ATP5PO: variants seen among roughly 807,000 people sequenced by gnomAD.
ATP5PO encodes ATP synthase peripheral stalk subunit OSCP, mitochondrial.
ATP5PO carries 14 observed loss-of-function variants against 26.2 expected under a neutral mutation model. The ratio of observed to expected loss-of-function variants is 0.53; its 90% CI spans 0.35 to 0.83. ATP5PO has a LOEUF of 0.83. Ranked by LOEUF, ATP5PO falls within the 40% of genes least tolerant of loss-of-function variation. The pLI, the probability that ATP5PO is intolerant of heterozygous loss-of-function variation, is 0.01. For synonymous variants in ATP5PO, 106 were observed against 95.1 expected, an observed-to-expected ratio of 1.12 and a Z score of -0.67; for missense variants, 241 against 258.5, an observed-to-expected ratio of 0.93 and a Z score of 0.46.
intron 1 of ATP5PO, 145 bp downstream of exon 1, chr21:33,915,583 G>A: frequency 2.4e-6 from 3 of 1,263,436 alleles, no homozygotes; most frequent in African/African-American, 1.5e-5. Flanking sequence ...GGGTCGTCCT[G>A]AGTCGCTCCC....
intron 3 of ATP5PO, among the ~76,000 whole-genome samples, chr21:33,911,537 G>C (rs1282807962): frequency 6.6e-6 from 1 of 152,078 alleles, no homozygotes; most frequent in Non-Finnish European, 1.5e-5. Context: ...AGACATATCT[G>C]AGCCTCCTCT....
intron 4 of ATP5PO, 102 bp downstream of exon 4, chr21:33,908,980 G>A: frequency 7.5e-7 from 1 of 1,332,972 alleles, no homozygotes; most frequent in Non-Finnish European, 1.0e-6. Context: ...ATTCTTCACT[G>A]CCAACAGGCT....
intron 5 of ATP5PO, among the ~76,000 whole-genome samples, chr21:33,904,539 C>T (rs1193889421): frequency 6.6e-6 from 1 of 152,186 alleles, no homozygotes; most frequent in African/African-American, 2.4e-5. Context: ...GGAGCTCTGG[C>T]AGGCCACTCC....
chr21:33,914,562 T>G, intron 1 of ATP5PO, 62 bp from the exon 2 acceptor site: 1 of 1,497,966 alleles, frequency 6.7e-7, no homozygotes, highest in African/African-American at 1.4e-5. Flanking sequence ...TGCATTTAAC[T>G]CAATAACAAC....
At chr21:33,913,837 T>C (rs1383402304) in intron 2 of ATP5PO, among the ~76,000 whole-genome samples, 1 of 152,038 alleles carries the variant, frequency 6.6e-6, no homozygotes, top group Non-Finnish European at 1.5e-5. Context: ...TGGAGTGCAG[T>C]GGCATGATCT....
intron 4 of ATP5PO, 28 bp from the exon 5 acceptor site, chr21:33,907,481 A>G: frequency 1.3e-6 from 2 of 1,572,274 alleles, no homozygotes; most frequent in Non-Finnish European, 1.8e-6. Flanking sequence ...TCTCAGTAAC[A>G]AGAAACTCAC....
At chr21:33,915,311 T>C (rs1264329654) in intron 1 of ATP5PO, 2 of 192,420 alleles carry the variant, frequency 1.0e-5, no homozygotes, top group Non-Finnish European at 2.1e-5. Context: ...CCTCATTTTA[T>C]TTATAAAACT....
chr21:33,907,013 G>T, intron 5 of ATP5PO: 1 of 349,704 alleles, frequency 2.9e-6, no homozygotes, highest in Non-Finnish European at 5.5e-6. Flanking sequence ...TAGAATTCTA[G>T]TTTCAGGAAA....
rs138334105 is a variant in ATP5PO at position 33,914,030 on chromosome 21, G to A, written c.87+420C>T. ...CCTGACCTCGTGATCTGCCCACCTC[G>A]GCCTCCCAAAGTGCTGGGACTACAG... On this transcript the variant is annotated intron_variant, in intron 2 of 6. Transcript: ENST00000290299. 1.0e-2 allele frequency among the ~76,000 whole-genome samples: 1,513 copies of A among 152,044 alleles called. 31 individuals are homozygous for A. Among genetic ancestry groups the A allele is most frequent in the African/African-American group, 0.035 (1,437 of 41,454 alleles).
chr21:33,908,185 A>C (rs1185441642), intron 4 of ATP5PO, among the ~76,000 whole-genome samples: 1 of 151,802 alleles, frequency 6.6e-6, no homozygotes, highest in African/African-American at 2.4e-5. Context: ...AAAAAAAAAA[A>C]AAAAAGAATG....
At chr21:33,911,139 C>T (rs777756929) in intron 3 of ATP5PO, among the ~76,000 whole-genome samples, 4 of 152,136 alleles carry the variant, frequency 2.6e-5, no homozygotes, top group Non-Finnish European at 2.9e-5. Context: ...AGTGGTGGCG[C>T]TAGAAAATCG....
Position 33,903,655 on chromosome 21 carries a change from G to A in ATP5PO, c.529-16C>T. On this transcript the variant is annotated splice_polypyrimidine_tract_variant and intron_variant, in intron 6 of 6. Transcript: ENST00000290299. ...ACGGATCAGTCTACAAAAGAAGTAAGACTGGAAATGTGAAAACGCGCTAAT... is the reference window on the plus strand; with the variant it reads ...ACGGATCAGTCTACAAAAGAAGTAAAACTGGAAATGTGAAAACGCGCTAAT... 1 of 1,611,706 alleles carries A rather than the reference G, an allele frequency of 6.2e-7. No homozygotes were observed. The highest frequency in any genetic ancestry group is 2.2e-5 in the East Asian group (1 of 44,880).
chr21:33,905,356 T>C (rs1428166908), intron 5 of ATP5PO, among the ~76,000 whole-genome samples: 1 of 152,026 alleles, frequency 6.6e-6, no homozygotes, highest in Non-Finnish European at 1.5e-5. Context: ...AGGCCACCGG[T>C]CATTATGCCC....
Position 33,907,363 on chromosome 21 carries a change from G to C in ATP5PO, c.419C>G (p.Pro140Arg). Reference sequence around the variant, plus strand: ...TACAGATGCAGAGGTCACTGTGCAAGGTACCTCTCCGCGATGGACACTCAT... The same window carrying C: ...TACAGATGCAGAGGTCACTGTGCAACGTACCTCTCCGCGATGGACACTCAT... ...TMMSVHRGEV[P>R]CTVTSASPLE... The change falls in exon 5 of 7, where the codon CCT becomes CGT. Residue 140 changes from proline to arginine, a missense_variant. Coordinates refer to ENST00000290299, the MANE Select transcript of ATP5PO (RefSeq NM_001697.3). 6.2e-7 allele frequency: 1 copy of C among 1,613,976 alleles called. No homozygotes were observed. Among genetic ancestry groups the C allele is most frequent in the South Asian group, 1.1e-5 (1 of 91,076 alleles).
At chr21:33,914,992 G>A (rs537201065) in intron 1 of ATP5PO, 1 of 153,672 alleles carries the variant, frequency 6.5e-6, no homozygotes. Flanking sequence ...TCAAAAGACA[G>A]AGCTGGAATA....
intron 4 of ATP5PO, among the ~76,000 whole-genome samples, chr21:33,907,876 G>A (rs1385649360): frequency 6.6e-6 from 1 of 152,210 alleles, no homozygotes; most frequent in Non-Finnish European, 1.5e-5. Context: ...TGGAGGCCAA[G>A]TGCAGTGGCT....
chr21:33,914,161 A>AT (rs1249593841), intron 2 of ATP5PO, among the ~76,000 whole-genome samples: 3 of 83,338 alleles, frequency 3.6e-5, no homozygotes, highest in Non-Finnish European at 8.5e-5. Context: ...TGTTTCTTTC[A>AT]TTAAAAAAAA....
At chr21:33,914,387 T>C in intron 2 of ATP5PO, 63 bp downstream of exon 2, 3 of 1,513,494 alleles carry the variant, frequency 2.0e-6, no homozygotes, top group Non-Finnish European at 2.7e-6. Context: ...GCCCTGACTG[T>C]ACTGCTGTTT....
chr21:33,909,337 G>C, intron 3 of ATP5PO, 126 bp from the exon 4 acceptor site: 1 of 1,072,678 alleles, frequency 9.3e-7, no homozygotes, highest in African/African-American at 1.6e-5. Context: ...CTGGAGTGCA[G>C]TGGCGCAATC....
Sources: gnomAD v4.1 joint callset for allele counts (sites outside exome capture counted in the v4.1 genomes callset) on GRCh38, gnomAD v4.1.1 for gene constraint, MANE v1.5 for transcripts, NCBI Gene and HGNC (gene_info 2026-07-23, HGNC 2026-07-21) for gene names.